The following CALN1 variants were observed in gnomAD, a reference collection of about 807,000 sequenced individuals.
CALN1 encodes the protein calneuron 1.
Under a neutral mutation model 30.6 loss-of-function variants are expected in CALN1, and 17 were observed. The ratio of observed to expected loss-of-function variants is 0.56; its 90% CI spans 0.38 to 0.83. The LOEUF is 0.83. Ranked by LOEUF, CALN1 falls within the 40% of genes least tolerant of loss-of-function variation. The pLI is 0.00. For missense variants in CALN1, 291 were observed against 354.9 expected, an observed-to-expected ratio of 0.82 and a Z score of 1.45; for synonymous variants, 156 against 131.4, an observed-to-expected ratio of 1.19 and a Z score of -1.28.
intron 4 of CALN1, among the ~76,000 whole-genome samples, chr7:72,040,936 G>A (rs1033915979): frequency 6.6e-6 from 1 of 152,184 alleles, no homozygotes; most frequent in African/African-American, 2.4e-5. Context: ...GTGGTATCTT[G>A]GTGTAGCAGC....
At chr7:71,883,779 A>T (rs1321062648) in intron 5 of CALN1, among the ~76,000 whole-genome samples, 1 of 152,168 alleles carries the variant, frequency 6.6e-6, no homozygotes, top group Non-Finnish European at 1.5e-5. Context: ...CCTGTGGTAT[A>T]TAATCGCTGG....
the CALN1 span, among the ~76,000 whole-genome samples, chr7:72,454,648 G>C: frequency 2.5e-3 from 373 of 152,182 alleles, 7 homozygotes; most frequent in East Asian, 0.051. Flanking sequence ...CAAAAATGTG[G>C]GGAGAGGAAG....
At chr7:72,156,819 G>A (rs1787715411) in intron 3 of CALN1, among the ~76,000 whole-genome samples, 1 of 152,198 alleles carries the variant, frequency 6.6e-6, no homozygotes, top group African/African-American at 2.4e-5. Flanking sequence ...AGCTGCTTCA[G>A]GATGATGGGG....
At chr7:72,077,486 C>G (rs936702339) in intron 4 of CALN1, among the ~76,000 whole-genome samples, 8 of 152,184 alleles carry the variant, frequency 5.3e-5, no homozygotes, top group Non-Finnish European at 1.5e-5. Flanking sequence ...GTTAGCCAGG[C>G]TGGTCTCGAA....
chr7:72,115,125 T>C (rs1016504430), intron 3 of CALN1, among the ~76,000 whole-genome samples: 3 of 147,756 alleles, frequency 2.0e-5, no homozygotes, highest in Non-Finnish European at 3.0e-5. Context: ...TATAGTATAA[T>C]ATAAATATAT....
intron 2 of CALN1, among the ~76,000 whole-genome samples, chr7:72,306,518 G>A (rs1057044058): frequency 2.0e-5 from 3 of 151,450 alleles, no homozygotes; most frequent in African/African-American, 7.3e-5. Flanking sequence ...AATTTATGGT[G>A]TACTTGGTTT....
At chr7:72,326,472 T>A (rs1278913547) in intron 2 of CALN1, among the ~76,000 whole-genome samples, 4 of 152,250 alleles carry the variant, frequency 2.6e-5, no homozygotes, top group Non-Finnish European at 5.9e-5. Flanking sequence ...AATATGTGTT[T>A]ATGTGTATGC....
Position 72,140,276 on chromosome 7 carries a change from AAGAGAGAGAG to A in CALN1, c.245-33992_245-33983del, listed in dbSNP as rs71069028. Among the ~76,000 whole-genome samples, 109 of 119,940 alleles carry A rather than the reference AAGAGAGAGAG, an allele frequency of 9.1e-4. 1 individual carries two copies. In the South Asian group the frequency reaches 9.4e-3, roughly 10 times the overall value. The allele number at this position is 119,940 out of a possible 152,430, so 78.7% of individuals were successfully genotyped here. ...ACAGAGTGAGACCTTGTCTCAAAAT[AAGAGAGAGAG>A]AGAGAGAGAGAGAGAGAGAAGAAAG... On this transcript the variant is annotated intron_variant, in intron 3 of 6. Coordinates refer to ENST00000395275, the MANE Select transcript of CALN1 (RefSeq NM_031468.4).
chr7:72,291,505 G>A (rs1242081309), intron 2 of CALN1, among the ~76,000 whole-genome samples: 1 of 152,196 alleles, frequency 6.6e-6, no homozygotes, highest in Admixed American at 6.5e-5. Flanking sequence ...TAACTTAGAA[G>A]CCTGCACCAC....
intron 4 of CALN1, among the ~76,000 whole-genome samples, chr7:72,045,921 C>A (rs1472007853): frequency 6.7e-6 from 1 of 149,720 alleles, no homozygotes; most frequent in Non-Finnish European, 1.5e-5. Context: ...ATCACTCGAA[C>A]CTGGGAGGCA....
chr7:72,459,801 C>A, the CALN1 span, among the ~76,000 whole-genome samples: 1 of 152,142 alleles, frequency 6.6e-6, no homozygotes, highest in Admixed American at 6.6e-5. Context: ...GGAATACAGG[C>A]GTGCAAGATA....
intron 5 of CALN1, among the ~76,000 whole-genome samples, chr7:71,991,833 C>T (rs969641775): frequency 1.3e-5 from 2 of 152,006 alleles, no homozygotes; most frequent in East Asian, 1.9e-4. Context: ...AAAAACAAAA[C>T]AAAACAAAAA....
intron 5 of CALN1, among the ~76,000 whole-genome samples, chr7:71,851,252 C>CACACACACACACAT (rs1491431075): frequency 6.7e-6 from 1 of 149,468 alleles, no homozygotes; most frequent in African/African-American, 2.5e-5. Context: ...CACACACACA[C>CACACACACACACAT]ATCACACATA....
At position 71,827,775 on chromosome 7, in the gene CALN1, AAAATAAATAAAT is replaced by A. The variant is rs10646245; in HGVS notation, c.502-17295_502-17284del. Among the ~76,000 whole-genome samples, 151 of 140,338 alleles carry A rather than the reference AAAATAAATAAAT, an allele frequency of 1.1e-3. 1 individual carries two copies. Among genetic ancestry groups the A allele is most frequent in the East Asian group, 9.0e-3 (42 of 4,648 alleles). The allele number at this position is 140,338 out of a possible 152,430, so 92.1% of individuals were successfully genotyped here. ...TGACAGAGTGAGACTCCATCTTAAA[AAAATAAATAAAT>A]AAATAAATAAATAAATAAATAAATA... is the stretch of plus-strand genomic sequence containing the variant. On this transcript the variant is annotated intron_variant, in intron 5 of 6. Coordinates refer to ENST00000395275, the MANE Select transcript of CALN1 (RefSeq NM_031468.4).
the CALN1 span, among the ~76,000 whole-genome samples, chr7:72,466,573 G>A: frequency 1.8e-4 from 27 of 152,006 alleles, no homozygotes; most frequent in Admixed American, 9.2e-4. Context: ...GCGAAACCCC[G>A]TCTCTATTAA....
Position 71,885,514 on chromosome 7 carries a change from A to C in CALN1, c.502-75022T>G, listed in dbSNP as rs192606723. On this transcript the variant is annotated intron_variant, in intron 5 of 6. Coordinates refer to ENST00000395275, the MANE Select transcript of CALN1 (RefSeq NM_031468.4). ...CCTGCCCCTTTAAGATGTATAAAACAAAGCTGCACCCGGACCACCGTGGGC... is the reference window on the plus strand; with the variant it reads ...CCTGCCCCTTTAAGATGTATAAAACCAAGCTGCACCCGGACCACCGTGGGC... 8.7e-3 allele frequency among the ~76,000 whole-genome samples: 1,326 copies of C among 152,314 alleles called. 27 individuals are homozygous for C. The highest frequency in any genetic ancestry group is 0.03 in the African/African-American group (1,251 of 41,566).
intron 4 of CALN1, among the ~76,000 whole-genome samples, chr7:72,087,531 G>A (rs1211472695): frequency 6.6e-6 from 1 of 152,052 alleles, no homozygotes; most frequent in Non-Finnish European, 1.5e-5. Flanking sequence ...TTATGTCCTC[G>A]ACAACTAACT....
chr7:71,854,958 G>A (rs1303970555), intron 5 of CALN1, among the ~76,000 whole-genome samples: 5 of 152,186 alleles, frequency 3.3e-5, no homozygotes, highest in Non-Finnish European at 7.3e-5. Flanking sequence ...TCAAAACGAT[G>A]CTAACCCTGT....
At chr7:71,981,893 G>A (rs1179434233) in intron 5 of CALN1, among the ~76,000 whole-genome samples, 1 of 152,100 alleles carries the variant, frequency 6.6e-6, no homozygotes, top group Non-Finnish European at 1.5e-5. Flanking sequence ...TTGTGGTGGT[G>A]GTGGTACGAG....
Sources: gnomAD v4.1 joint callset for allele counts (sites outside exome capture counted in the v4.1 genomes callset) on GRCh38, gnomAD v4.1.1 for gene constraint, MANE v1.5 for transcripts, NCBI Gene and HGNC (gene_info 2026-07-23, HGNC 2026-07-21) for gene names.